The following DSCAM variants were observed in gnomAD, a reference collection of about 807,000 sequenced individuals.
DSCAM encodes cell adhesion molecule DSCAM.
In DSCAM, 47 loss-of-function variants were observed where a neutral mutation model predicts 217.7. The observed-to-expected ratio is 0.22, with a 90% CI of 0.17 to 0.28. The LOEUF (loss-of-function observed/expected upper bound fraction) is 0.28, where lower values mean the gene tolerates loss of function less well. Among genes scored for constraint, DSCAM ranks in the 10% least tolerant of loss-of-function variants. The probability of loss-of-function intolerance (pLI) is 1.00; values close to 1 mark genes in which losing one functional copy is unlikely to be tolerated. For synonymous variants in DSCAM, 1,056 were observed against 1,015.3 expected (o/e 1.04, Z -0.76); for missense variants, 2,080 against 2,618.3 (o/e 0.79, Z 4.49).
chr21:40,569,410 C>T (rs1036006014), intron 3 of DSCAM, among the ~76,000 whole-genome samples: 4 of 152,122 alleles, frequency 2.6e-5, no homozygotes, highest in Admixed American at 6.5e-5. Context: ...TGTCTTTGAT[C>T]GTTTACGTGG....
At chr21:40,124,464 C>G (rs1007449568) in intron 19 of DSCAM, 136 bp from the exon 20 acceptor site, 3 of 1,091,726 alleles carry the variant, frequency 2.7e-6, no homozygotes, top group Non-Finnish European at 3.9e-6. Flanking sequence ...GCTGTGTCCC[C>G]CCAAATGCAT....
intron 3 of DSCAM, among the ~76,000 whole-genome samples, chr21:40,631,482 G>A (rs2089690880): frequency 6.6e-6 from 1 of 152,180 alleles, no homozygotes; most frequent in South Asian, 2.1e-4. Context: ...GCTTGCATGG[G>A]TGATTCACCG....
intron 8 of DSCAM, among the ~76,000 whole-genome samples, chr21:40,322,410 C>G (rs903647699): frequency 6.6e-6 from 1 of 152,150 alleles, no homozygotes; most frequent in Non-Finnish European, 1.5e-5. Flanking sequence ...GTTCTGATGA[C>G]AAAGGTCCAA....
intron 3 of DSCAM, among the ~76,000 whole-genome samples, chr21:40,544,881 G>A (rs2076568947): frequency 6.6e-6 from 1 of 151,398 alleles, no homozygotes; most frequent in Non-Finnish European, 1.5e-5. Context: ...AAGAAAACTG[G>A]GTCATGTATT....
intron 9 of DSCAM, among the ~76,000 whole-genome samples, chr21:40,310,649 T>C (rs2074127584): frequency 6.6e-6 from 1 of 152,250 alleles, no homozygotes; most frequent in African/African-American, 2.4e-5. Context: ...CCGTACATTT[T>C]TATCTGACGT....
intron 1 of DSCAM, among the ~76,000 whole-genome samples, chr21:40,822,318 CAAAAAAA>C (rs61569827): frequency 5.2e-5 from 3 of 57,832 alleles, no homozygotes; most frequent in East Asian, 6.7e-4. Context: ...GATCTTTTCT[CAAAAAAA>C]AAAAAAAAAA....
At position 40,105,914 on chromosome 21, in the gene DSCAM, TTGAG is replaced by T. The variant is rs970307081; in HGVS notation, c.3697-12044_3697-12041del. 9.2e-5 allele frequency among the ~76,000 whole-genome samples: 14 copies of T among 152,200 alleles called. No homozygotes were observed. The East Asian group carries it at 1.7e-3, about 19-fold the overall frequency. ...TTATGTGATGAATCACATTTATTGA[TTGAG>T]TATGTTGAACCAACCTTGCATCCTG... On this transcript the variant is annotated intron_variant, in intron 20 of 32. Transcript: ENST00000400454.
intron 29 of DSCAM, among the ~76,000 whole-genome samples, chr21:40,053,380 C>G (rs1380204770): frequency 6.6e-6 from 1 of 152,198 alleles, no homozygotes; most frequent in Admixed American, 6.5e-5. Flanking sequence ...TCCACAGAGA[C>G]AGCTTCCTAC....
At chr21:40,052,582 T>C (rs1404707682) in intron 29 of DSCAM, among the ~76,000 whole-genome samples, 1 of 152,172 alleles carries the variant, frequency 6.6e-6, no homozygotes, top group East Asian at 1.9e-4. Context: ...TGAGGTTTGC[T>C]CTCATTCTGA....
intron 1 of DSCAM, among the ~76,000 whole-genome samples, chr21:40,751,349 A>T (rs1253618211): frequency 6.6e-6 from 1 of 152,042 alleles, no homozygotes; most frequent in Non-Finnish European, 1.5e-5. Context: ...GCTCTCCCAC[A>T]CCCACTAGAA....
chr21:40,669,947 TAA>T (rs35330474), intron 3 of DSCAM, among the ~76,000 whole-genome samples: 15 of 149,206 alleles, frequency 1.0e-4, no homozygotes, highest in African/African-American at 3.7e-4. Flanking sequence ...ATGGCTATAA[TAA>T]AAAAAAAAGT....
intron 1 of DSCAM, among the ~76,000 whole-genome samples, chr21:40,833,974 C>T (rs944332372): frequency 1.3e-5 from 2 of 152,100 alleles, no homozygotes; most frequent in Non-Finnish European, 2.9e-5. Flanking sequence ...TGTGTGACAA[C>T]CAAAAATGTC....
chr21:40,268,313 G>T (rs1305047356), intron 11 of DSCAM, among the ~76,000 whole-genome samples: 1 of 152,146 alleles, frequency 6.6e-6, no homozygotes, highest in Non-Finnish European at 1.5e-5. Flanking sequence ...AAATGGGTGG[G>T]TCTGGTCAGG....
intron 16 of DSCAM, among the ~76,000 whole-genome samples, chr21:40,160,912 T>C (rs2090533979): frequency 6.6e-6 from 1 of 152,248 alleles, no homozygotes; most frequent in Admixed American, 6.5e-5. Context: ...GCCTTGGTCC[T>C]AAGCCTTAGT....
intron 3 of DSCAM, among the ~76,000 whole-genome samples, chr21:40,598,510 T>TG (rs2077039032): frequency 1.4e-5 from 2 of 138,724 alleles, no homozygotes; most frequent in African/African-American, 5.5e-5. Flanking sequence ...TTTTTTTTTT[T>TG]TTTTTTTTTT....
chr21:40,369,179 A>G lies in DSCAM; in HGVS notation c.575T>C (p.Leu192Ser), dbSNP rs1304566899. The change falls in exon 4 of 33, where the codon TTG becomes TCG. Residue 192 changes from leucine (L) to serine (S), a missense_variant. By Grantham distance (145) the Leu-to-Ser change is moderately radical (BLOSUM62 -2). Coordinates refer to ENST00000400454, the MANE Select transcript of DSCAM (RefSeq NM_001389.5). Reference sequence around the variant, plus strand: ...CCGCGTGATGCAGCGGTAGTTATACAATCCATCTTCATTCTGTACATCTTT... The same window carrying G: ...CCGCGTGATGCAGCGGTAGTTATACGATCCATCTTCATTCTGTACATCTTT... ...YIKDVQNEDG[L>S]YNYRCITRHR... 1 of 1,613,616 alleles carries G rather than the reference A, an allele frequency of 6.2e-7. No individual in the cohort carries two copies. Among genetic ancestry groups the G allele is most frequent in the East Asian group, 2.2e-5 (1 of 44,878 alleles).
chr21:40,329,532 T>C (rs1400978429), intron 8 of DSCAM, among the ~76,000 whole-genome samples: 2 of 151,746 alleles, frequency 1.3e-5, no homozygotes, highest in East Asian at 3.9e-4. Flanking sequence ...GAGAATCACT[T>C]GAACCCAGGA....
chr21:40,412,590 C>G (rs2075333207), intron 3 of DSCAM, among the ~76,000 whole-genome samples: 1 of 152,102 alleles, frequency 6.6e-6, no homozygotes, highest in Admixed American at 6.5e-5. Flanking sequence ...TTTAGGGTAT[C>G]TGGTGGAAGG....
At chr21:40,062,975 C>G (rs1259129202) in intron 27 of DSCAM, 76 bp from the exon 28 acceptor site, 4 of 1,348,508 alleles carry the variant, frequency 3.0e-6, no homozygotes, top group Non-Finnish European at 4.1e-6. Flanking sequence ...GACAAATACT[C>G]TACAGTCAGA....
Sources: allele counts gnomAD v4.1 joint callset (sites outside exome capture counted in the v4.1 genomes callset), GRCh38; gene constraint gnomAD v4.1.1; transcripts MANE v1.5; gene names NCBI Gene and HGNC (gene_info 2026-07-23, HGNC 2026-07-21).